Variants in CDHR1 observed in about 807,000 individuals in gnomAD.
CDHR1 encodes the protein cadherin-related family member 1.
In CDHR1, 61 loss-of-function variants were observed where a neutral mutation model predicts 72.1. That is an observed-to-expected ratio of 0.85 (90% confidence interval 0.69 to 1.05). The LOEUF is 1.05. CDHR1 is among the 50% of genes least tolerant of loss of function. The pLI is 0.00. For synonymous variants in CDHR1, 470 were observed against 448.1 expected (o/e 1.05, Z -0.62); for missense variants, 1,186 against 1,115.7 (o/e 1.06, Z -0.90).
At chr10:84,204,735 G>T in intron 9 of CDHR1, 130 bp downstream of exon 9, 1 of 700,756 alleles carries the variant, frequency 1.4e-6, no homozygotes, top group East Asian at 2.7e-5. Context: ...GAGAGGAAGG[G>T]CTGTGTCCAA....
downstream of CDHR1, chr10:84,219,093 GT>G (rs1326435977): frequency 1.8e-6 from 2 of 1,135,940 alleles, no homozygotes; most frequent in Non-Finnish European, 2.6e-6. Flanking sequence ...GAAGACTAAG[GT>G]ACATGAAAAA....
Position 84,215,159 on chromosome 10 carries a change from G to C in CDHR1, c.*538G>C. On this transcript the variant is annotated 3_prime_UTR_variant, in exon 17 of 17. Coordinates refer to ENST00000623527, the MANE Select transcript of CDHR1 (RefSeq NM_033100.4). ...AGGAAAGCAAATGTAGGTAAGGGGA[G>C]AGCAAGGATGCACAGAAAACACACT... The C allele has an allele frequency of 9.9e-7, 1 of 1,013,390 alleles. No homozygotes were observed. Among genetic ancestry groups the C allele is most frequent in the Non-Finnish European group, 1.2e-6 (1 of 846,478 alleles). 62.8% of individuals were successfully genotyped at this position (1,013,390 alleles called of 1,614,324 possible). A position where few individuals can be genotyped will look rare whatever the true frequency, so the allele number is the denominator to read the frequency against.
At position 84,214,078 on chromosome 10, in the gene CDHR1, T is replaced by G. The variant is rs761023572; in HGVS notation, c.2041-4T>G. The G allele has an allele frequency of 1.9e-6, 3 of 1,614,028 alleles. No homozygotes were observed. The African/African-American group carries it at 4.0e-5, about 22-fold the overall frequency. On this transcript the variant is annotated splice_region_variant and splice_polypyrimidine_tract_variant and intron_variant, in intron 16 of 16. Coordinates refer to ENST00000623527, the MANE Select transcript of CDHR1 (RefSeq NM_033100.4). ...TGAGTGCAGGGAGTGGCTTTCTCTT[T>G]CAGACCCTCTCCCGGAGCCCCATGG...
chr10:84,215,675 G>A lies in CDHR1; in HGVS notation c.*1054G>A. The stretch of plus-strand genomic sequence containing the variant: ...GATGAGGGCTTTAACCAAGTGCAAA[G>A]CGGCATGAATGCAAAGTATTTTTCT... On this transcript the variant is annotated 3_prime_UTR_variant, in exon 17 of 17. Coordinates refer to ENST00000623527, the MANE Select transcript of CDHR1 (RefSeq NM_033100.4). 2 of 985,348 alleles carry A rather than the reference G, an allele frequency of 2.0e-6. No individual in the cohort carries two copies. The highest frequency in any genetic ancestry group is 2.4e-6 in the Non-Finnish European group (2 of 829,856). The allele number at this position is 985,348 out of a possible 1,614,324, so 61.0% of individuals were successfully genotyped here.
chr10:84,214,832 A>C lies in CDHR1; in HGVS notation c.*211A>C. On this transcript the variant is annotated 3_prime_UTR_variant, in exon 17 of 17. Transcript: ENST00000623527. ...CTCTAGTCAGGGCCTTGGGCAAGAC[A>C]TTGGGCTCTAGGATGCAATTGGCAA... 2 of 1,481,460 alleles carry C rather than the reference A, an allele frequency of 1.4e-6. No homozygotes were observed. Among genetic ancestry groups the C allele is most frequent in the Non-Finnish European group, 8.9e-7 (1 of 1,127,660 alleles). The allele number at this position is 1,481,460 out of a possible 1,614,324, so 91.8% of individuals were successfully genotyped here.
In CDHR1 at chr10:84,215,316, C is replaced by T; in HGVS notation, c.*695C>T. The T allele has an allele frequency of 2.0e-6, 2 of 986,798 alleles. No individual in the cohort carries two copies. The highest frequency in any genetic ancestry group is 2.4e-6 in the Non-Finnish European group (2 of 830,984). 61.1% of individuals were successfully genotyped at this position (986,798 alleles called of 1,614,324 possible). ...AGATTGATCTTGCCAAGAGTGAGGG[C>T]AGATGTCTCCAGCCAGGACTGCCCT... On this transcript the variant is annotated 3_prime_UTR_variant, in exon 17 of 17. Coordinates refer to ENST00000623527, the MANE Select transcript of CDHR1 (RefSeq NM_033100.4).
chr10:84,203,020 C>T lies in CDHR1; in HGVS notation c.680C>T (p.Ser227Leu), dbSNP rs1158356829. 3.1e-6 allele frequency: 5 copies of T among 1,614,116 alleles called. No homozygotes were observed. The highest frequency in any genetic ancestry group is 3.4e-6 in the Non-Finnish European group (4 of 1,180,042). Residue 227 changes from serine (S) to leucine (L), a missense_variant, in exon 8 of 17, where the codon TCA becomes TTA. Physicochemically the swap from Ser to Leu is moderately radical, Grantham distance 145. Transcript: ENST00000623527. ...CTTCATGGGGCTGATGTGGTGTTCTCAGCCACCACCACGGTCACGGTCAAT... is the reference window on the plus strand; with the variant it reads ...CTTCATGGGGCTGATGTGGTGTTCTTAGCCACCACCACGGTCACGGTCAAT... ...GRLHGADVVF[S>L]ATTTVTVNVE... is the part of the protein sequence containing the mutation.
At chr10:84,206,747 A>G (rs1050702796) in intron 10 of CDHR1, among the ~76,000 whole-genome samples, 33 of 152,192 alleles carry the variant, frequency 2.2e-4, no homozygotes, top group Non-Finnish European at 1.5e-5. Context: ...TCTGCGTATT[A>G]TAAGCACCCA....
Position 84,194,623 on chromosome 10 carries a change from C to T in CDHR1, c.-138C>T. ...CCCTCACGCCACCCGCCGCTCCCGC[C>T]CCGTGCCCCCTCCCGCCGCGGCTGC... On this transcript the variant is annotated 5_prime_UTR_variant, in exon 1 of 17. Transcript: ENST00000623527. 1 of 568,270 alleles carries T rather than the reference C, an allele frequency of 1.8e-6. No homozygotes were observed. Among genetic ancestry groups the T allele is most frequent in the Non-Finnish European group, 2.8e-6 (1 of 359,796 alleles). The allele number at this position is 568,270 out of a possible 1,614,324, so 35.2% of individuals were successfully genotyped here.
Position 84,217,559 on chromosome 10 carries a change from G to T in CDHR1, c.*2938G>T. On this transcript the variant is annotated 3_prime_UTR_variant, in exon 17 of 17. Transcript: ENST00000623527. ...ACACAGGGTGCAAAGTATGGTTGCA[G>T]AGAGGATGAAAAGATCTAATATATG... 1 of 983,610 alleles carries T rather than the reference G, an allele frequency of 1.0e-6. No individual in the cohort carries two copies. The highest frequency in any genetic ancestry group is 1.2e-6 in the Non-Finnish European group (1 of 828,248). 60.9% of individuals were successfully genotyped at this position (983,610 alleles called of 1,614,324 possible).
intron 8 of CDHR1, 24 bp from the exon 9 acceptor site, chr10:84,204,502 CA>C: frequency 6.4e-7 from 1 of 1,552,822 alleles, no homozygotes; most frequent in East Asian, 2.2e-5. Flanking sequence ...GCCCATCAGG[CA>C]GCGGCTGTTC....
In CDHR1 at chr10:84,217,987, T is replaced by C. The variant is rs1842453251; in HGVS notation, c.*3366T>C. ...CTGGGAAGGAGCCACCATGCTCTGC[T>C]TCTCTAAGGATTTCGGTGATTCTAT... On this transcript the variant is annotated 3_prime_UTR_variant, in exon 17 of 17. Transcript: ENST00000623527. The C allele has an allele frequency of 2.0e-6, 2 of 985,492 alleles. No individual in the cohort carries two copies. The highest frequency in any genetic ancestry group is 4.7e-5 in the South Asian group (1 of 21,288). The allele number at this position is 985,492 out of a possible 1,614,324, so 61.0% of individuals were successfully genotyped here.
chr10:84,219,096 C>T (rs1037205029), downstream of CDHR1: 13 of 1,164,570 alleles, frequency 1.1e-5, no homozygotes, highest in African/African-American at 1.6e-4. Context: ...GACTAAGGTA[C>T]ATGAAAAATA....
rs372029625 is a variant in CDHR1 at position 84,218,665 on chromosome 10, T to C, written c.*4044T>C. 1 of 986,576 alleles carries C rather than the reference T, an allele frequency of 1.0e-6. No homozygotes were observed. Among genetic ancestry groups the C allele is most frequent in the East Asian group, 1.1e-4 (1 of 8,856 alleles). 61.1% of individuals were successfully genotyped at this position (986,576 alleles called of 1,614,324 possible). ...AAACTTGTATGGTCTAAACTCTAAA[T>C]AAATAAGCTTCTCAAGGGCATGACA... On this transcript the variant is annotated 3_prime_UTR_variant, in exon 17 of 17. Transcript: ENST00000623527.
At chr10:84,205,153 G>A (rs957775707) in intron 9 of CDHR1, among the ~76,000 whole-genome samples, 5 of 152,292 alleles carry the variant, frequency 3.3e-5, no homozygotes, top group South Asian at 2.1e-4. Flanking sequence ...GGCAGCAACT[G>A]AGCCAGATGA....
chr10:84,200,733 G>A (rs111616952), intron 6 of CDHR1, 46 bp downstream of exon 6: 26 of 1,428,330 alleles, frequency 1.8e-5, no homozygotes, highest in Non-Finnish European at 2.4e-5. Flanking sequence ...GGCCGGAGGG[G>A]ACACCTAGAT....
At chr10:84,210,396 G>A (rs776937827) in intron 12 of CDHR1, among the ~76,000 whole-genome samples, 8 of 152,056 alleles carry the variant, frequency 5.3e-5, no homozygotes, top group African/African-American at 1.9e-4. Context: ...CTCCCGAGTA[G>A]CTGGGATTAC....
chr10:84,204,420 C>G, intron 8 of CDHR1, 107 bp from the exon 9 acceptor site: 1 of 837,538 alleles, frequency 1.2e-6, no homozygotes, highest in Admixed American at 1.7e-5. Context: ...AGGCCTGACC[C>G]TTTCCTAGGT....
intron 13 of CDHR1, 80 bp downstream of exon 13, chr10:84,211,245 T>C (rs1352904930): frequency 1.4e-6 from 2 of 1,474,582 alleles, no homozygotes; most frequent in East Asian, 4.5e-5. Context: ...TCATTGCAGT[T>C]TGAGTGGCAG....
Sources: allele counts gnomAD v4.1 joint callset (sites outside exome capture counted in the v4.1 genomes callset), GRCh38; gene constraint gnomAD v4.1.1; transcripts MANE v1.5; gene names NCBI Gene and HGNC (gene_info 2026-07-23, HGNC 2026-07-21).